PLCB1: variants seen among roughly 807,000 people sequenced by gnomAD.
PLCB1 encodes phospholipase C beta 1.
A neutral mutation model predicts 161.8 loss-of-function variants in PLCB1; 46 were observed. That is an observed-to-expected ratio of 0.28 (90% confidence interval 0.22 to 0.36). The LOEUF (loss-of-function observed/expected upper bound fraction) is 0.36, where lower values mean the gene tolerates loss of function less well. Ranked by LOEUF, PLCB1 falls within the 10% of genes least tolerant of loss-of-function variation. PLCB1 has a pLI of 1.00. For missense variants in PLCB1, 1,016 were observed against 1,472.5 expected, an observed-to-expected ratio of 0.69 and a Z score of 5.07; for synonymous variants, 517 against 503.7, an observed-to-expected ratio of 1.03 and a Z score of -0.35.
chr20:8,443,213 C>A (rs6086454), intron 3 of PLCB1, among the ~76,000 whole-genome samples: 3 of 152,040 alleles, frequency 2.0e-5, no homozygotes, highest in Admixed American at 6.6e-5. Flanking sequence ...AACTCCTGAC[C>A]TCGTGATCTG....
chr20:8,875,390 T>C (rs1987742873), intron 31 of PLCB1, among the ~76,000 whole-genome samples: 1 of 148,184 alleles, frequency 6.7e-6, no homozygotes, highest in Non-Finnish European at 1.5e-5. Flanking sequence ...TATTACAAAG[T>C]GGTATATATA....
intron 17 of PLCB1, among the ~76,000 whole-genome samples, chr20:8,728,603 A>G (rs1412765818): frequency 1.3e-5 from 2 of 152,034 alleles, no homozygotes; most frequent in African/African-American, 4.8e-5. Context: ...CAAACACAAT[A>G]TCATTCTTTC....
intron 2 of PLCB1, among the ~76,000 whole-genome samples, chr20:8,184,769 T>TTATTA (rs2051882736): frequency 3.5e-4 from 49 of 141,922 alleles, no homozygotes; most frequent in African/African-American, 9.7e-4. Flanking sequence ...TGGCAATACC[T>TTATTA]TTATTATTAT....
chr20:8,828,680 C>CA (rs1160569960), intron 31 of PLCB1, among the ~76,000 whole-genome samples: 314 of 152,272 alleles, frequency 2.1e-3, no homozygotes, highest in African/African-American at 7.1e-3. Context: ...TGAGTGGTGT[C>CA]ATGACAAAGC....
At chr20:8,198,100 T>G (rs2052047835) in intron 2 of PLCB1, among the ~76,000 whole-genome samples, 1 of 152,196 alleles carries the variant, frequency 6.6e-6, no homozygotes, top group African/African-American at 2.4e-5. Context: ...GTGTGATGCC[T>G]CCAGCTTTGT....
intron 2 of PLCB1, among the ~76,000 whole-genome samples, chr20:8,167,141 A>G (rs899260475): frequency 5.3e-5 from 8 of 152,140 alleles, no homozygotes; most frequent in Non-Finnish European, 4.4e-5. Flanking sequence ...TTGGAAAGTG[A>G]AGGGTACAGT....
chr20:8,755,946 T>C (rs78015309), intron 23 of PLCB1, among the ~76,000 whole-genome samples: 1 of 152,176 alleles, frequency 6.6e-6, no homozygotes, highest in Non-Finnish European at 1.5e-5. Flanking sequence ...CTCACAGAAG[T>C]ATTTTTTGTG....
intron 10 of PLCB1, among the ~76,000 whole-genome samples, chr20:8,694,102 A>G (rs1346911851): frequency 3.3e-5 from 5 of 152,218 alleles, no homozygotes; most frequent in Admixed American, 1.3e-4. Flanking sequence ...TAATGGGTAG[A>G]TGAGATGTAA....
intron 2 of PLCB1, among the ~76,000 whole-genome samples, chr20:8,223,880 G>T (rs1220630475): frequency 6.6e-6 from 1 of 152,132 alleles, no homozygotes; most frequent in East Asian, 1.9e-4. Context: ...TACAGTGCTT[G>T]CTTGGCGTCT....
At chr20:8,761,899 A>C (rs1300893837) in intron 25 of PLCB1, among the ~76,000 whole-genome samples, 1 of 150,724 alleles carries the variant, frequency 6.6e-6, no homozygotes, top group East Asian at 2.0e-4. Flanking sequence ...CCTCCCAACA[A>C]AACATGTTTT....
intron 26 of PLCB1, among the ~76,000 whole-genome samples, chr20:8,772,891 T>C (rs1982761084): frequency 6.6e-6 from 1 of 152,022 alleles, no homozygotes; most frequent in Non-Finnish European, 1.5e-5. Context: ...GATCGTGCCA[T>C]TGCACTCTAG....
chr20:8,657,818 A>G (rs778857551), intron 8 of PLCB1, among the ~76,000 whole-genome samples: 22 of 152,156 alleles, frequency 1.4e-4, no homozygotes, highest in Non-Finnish European at 3.1e-4. Context: ...AATGTGGGGA[A>G]AGTAGCAGTT....
At chr20:8,550,292 G>C (rs971968829) in intron 3 of PLCB1, among the ~76,000 whole-genome samples, 1 of 151,998 alleles carries the variant, frequency 6.6e-6, no homozygotes, top group Non-Finnish European at 1.5e-5. Context: ...ATATGGTTTA[G>C]CTCTGTGTTC....
intron 23 of PLCB1, chr20:8,752,032 C>T (rs573012015): frequency 4.1e-5 from 6 of 146,042 alleles, no homozygotes; most frequent in African/African-American, 1.5e-4. Flanking sequence ...GTATTGTACT[C>T]CTATAGGTGC....
chr20:8,305,024 A>G (rs1984069857), intron 2 of PLCB1, among the ~76,000 whole-genome samples: 1 of 152,328 alleles, frequency 6.6e-6, no homozygotes, highest in Non-Finnish European at 1.5e-5. Context: ...GCTAGGAACT[A>G]TAGATTAGTT....
intron 2 of PLCB1, among the ~76,000 whole-genome samples, chr20:8,237,152 G>T (rs1227784262): frequency 1.3e-5 from 2 of 151,940 alleles, no homozygotes; most frequent in Non-Finnish European, 2.9e-5. Flanking sequence ...AAAGTAGGCA[G>T]ACATTGCAAG....
intron 2 of PLCB1, among the ~76,000 whole-genome samples, chr20:8,327,543 C>G (rs961917): frequency 0.36 from 54,090 of 151,988 alleles, 10,475 homozygotes; most frequent in African/African-American, 0.5. Context: ...CTTGCCAAAA[C>G]GAAGAAAGGA....
chr20:8,594,539 C>T (rs767472940), intron 3 of PLCB1, among the ~76,000 whole-genome samples: 1 of 152,156 alleles, frequency 6.6e-6, no homozygotes, highest in Non-Finnish European at 1.5e-5. Context: ...TTCTGGTCCA[C>T]AAACCACATT....
chr20:8,228,014 C>T (rs1039290307), intron 2 of PLCB1, among the ~76,000 whole-genome samples: 2 of 151,940 alleles, frequency 1.3e-5, no homozygotes, highest in East Asian at 1.9e-4. Flanking sequence ...TGACAAACTT[C>T]GGAGACTTAA....
Sources: allele counts gnomAD v4.1 joint callset (sites outside exome capture counted in the v4.1 genomes callset), GRCh38; gene constraint gnomAD v4.1.1; transcripts MANE v1.5; gene names NCBI Gene and HGNC (gene_info 2026-07-23, HGNC 2026-07-21).